The following SORCS1 variants were observed in gnomAD, a reference collection of about 807,000 sequenced individuals.
SORCS1 encodes the protein VPS10 domain-containing receptor SorCS1.
In SORCS1, 60 loss-of-function variants were observed where a neutral mutation model predicts 146.1. That is an observed-to-expected ratio of 0.41 (90% CI 0.33 to 0.51). The LOEUF (loss-of-function observed/expected upper bound fraction) is 0.51, where lower values mean the gene tolerates loss of function less well. Among genes scored for constraint, SORCS1 ranks in the 20% least tolerant of loss-of-function variants. The probability of loss-of-function intolerance (pLI) is 0.21; values close to 1 mark genes in which losing one functional copy is unlikely to be tolerated. For synonymous variants in SORCS1, 637 were observed against 584.0 expected (o/e 1.09, Z -1.31); for missense variants, 1,352 against 1,487.6 (o/e 0.91, Z 1.50).
chr10:106,717,556 A>C (rs762960861), intron 6 of SORCS1, among the ~76,000 whole-genome samples: 1 of 152,208 alleles, frequency 6.6e-6, no homozygotes, highest in Non-Finnish European at 1.5e-5. Flanking sequence ...AATTGACTAA[A>C]TATTGTATTT....
chr10:107,143,872 C>A (rs1273452051), intron 1 of SORCS1, among the ~76,000 whole-genome samples: 1 of 152,004 alleles, frequency 6.6e-6, no homozygotes, highest in Non-Finnish European at 1.5e-5. Context: ...CTCAAGCAAT[C>A]CACTCACCTC....
intron 10 of SORCS1, among the ~76,000 whole-genome samples, chr10:106,681,917 C>A (rs144337761): frequency 1.3e-5 from 2 of 152,132 alleles, no homozygotes; most frequent in African/African-American, 4.8e-5. Context: ...CACTTGAGGT[C>A]AGGAGTTCGA....
In SORCS1 at chr10:107,159,655, G is replaced by A. The variant is rs78539950; in HGVS notation, c.558+4314C>T. Among the ~76,000 whole-genome samples, 1,502 of 152,192 alleles carry A rather than the reference G, an allele frequency of 9.9e-3. 33 individuals carry two copies. Among genetic ancestry groups the A allele is most frequent in the African/African-American group, 0.034 (1,396 of 41,520 alleles). On this transcript the variant is annotated intron_variant, in intron 1 of 25. Coordinates refer to ENST00000263054, the MANE Select transcript of SORCS1 (RefSeq NM_052918.5). ...ATTTAAGTGACTTACTCAAGGCAAC[G>A]TGCTGATTTAGCAGGACAACTAAGA...
At chr10:107,109,482 G>A (rs1034260085) in intron 1 of SORCS1, among the ~76,000 whole-genome samples, 3 of 152,228 alleles carry the variant, frequency 2.0e-5, no homozygotes, top group Non-Finnish European at 4.4e-5. Flanking sequence ...CTGAGCCAAG[G>A]ATGGAGCCAG....
intron 6 of SORCS1, among the ~76,000 whole-genome samples, chr10:106,719,906 C>G (rs1855663826): frequency 6.6e-6 from 1 of 152,224 alleles, no homozygotes; most frequent in South Asian, 2.1e-4. Flanking sequence ...CCATGCTAAG[C>G]ATCCTCATAT....
In SORCS1 at chr10:106,776,403, A is replaced by G. The variant is rs1048516865; in HGVS notation, c.885+131T>C. The stretch of plus-strand genomic sequence containing the variant: ...GACTCTCCTTGCTTTCCCTTGTCCC[A>G]TTAGCACAGAGGTCAGGCTACTGCT... On this transcript the variant is annotated intron_variant, in intron 4 of 25. Coordinates refer to ENST00000263054, the MANE Select transcript of SORCS1 (RefSeq NM_052918.5). 7.9e-6 allele frequency: 9 copies of G among 1,145,636 alleles called. No individual in the cohort carries two copies. In the African/African-American group the frequency reaches 1.1e-4, roughly 14 times the overall value. 71.0% of individuals were successfully genotyped at this position (1,145,636 alleles called of 1,614,324 possible).
upstream of SORCS1, among the ~76,000 whole-genome samples, chr10:107,165,376 ACCT>A (rs1196198760): frequency 6.7e-6 from 1 of 150,174 alleles, no homozygotes; most frequent in Non-Finnish European, 1.5e-5. This position sits in a 1 kb window ranked among gnomAD's most constrained non-coding sequence, Gnocchi z 4.0. Flanking sequence ...TTCTCTCCTA[ACCT>A]CCTAAAGCAT....
intron 7 of SORCS1, among the ~76,000 whole-genome samples, chr10:106,708,495 G>A (rs934859438): frequency 2.6e-5 from 4 of 152,092 alleles, no homozygotes; most frequent in African/African-American, 9.7e-5. Flanking sequence ...ATGGAAGGTG[G>A]TAACTGAGTT....
At chr10:106,983,052 T>A (rs1956300496) in intron 1 of SORCS1, among the ~76,000 whole-genome samples, 1 of 151,152 alleles carries the variant, frequency 6.6e-6, no homozygotes, top group African/African-American at 2.4e-5. Flanking sequence ...GAGTGATTTT[T>A]AAATATTTAT....
At chr10:107,017,108 A>G (rs1957930336) in intron 1 of SORCS1, among the ~76,000 whole-genome samples, 1 of 152,260 alleles carries the variant, frequency 6.6e-6, no homozygotes, top group Admixed American at 6.5e-5. Flanking sequence ...GAGAGTTAAC[A>G]TTAAGCCATG....
intron 8 of SORCS1, among the ~76,000 whole-genome samples, chr10:106,705,986 C>T (rs553716582): frequency 3.9e-5 from 6 of 152,236 alleles, no homozygotes; most frequent in Admixed American, 1.3e-4. Flanking sequence ...TGCCACGTCA[C>T]GGCATCACTG....
chr10:107,027,007 CA>C (rs1191580328), intron 1 of SORCS1, among the ~76,000 whole-genome samples: 2 of 143,550 alleles, frequency 1.4e-5, no homozygotes, highest in African/African-American at 2.6e-5. Flanking sequence ...GCTTGACTAT[CA>C]GGGGTATATG....
intron 1 of SORCS1, among the ~76,000 whole-genome samples, chr10:107,081,624 C>T (rs1963341414): frequency 6.6e-6 from 1 of 152,078 alleles, no homozygotes. Context: ...ATGGCTATCA[C>T]TTAGTCTATT....
chr10:106,995,039 A>G (rs1035589942), intron 1 of SORCS1, among the ~76,000 whole-genome samples: 1 of 152,134 alleles, frequency 6.6e-6, no homozygotes, highest in East Asian at 1.9e-4. Context: ...CCGGCCAGGC[A>G]TGGTGGCTCA....
chr10:106,999,085 A>G (rs1042472046), intron 1 of SORCS1, among the ~76,000 whole-genome samples: 2 of 152,180 alleles, frequency 1.3e-5, no homozygotes, highest in Admixed American at 1.3e-4. Context: ...GACAGGTCCT[A>G]AAATGCCTTC....
chr10:106,892,202 C>T (rs1036864645), intron 2 of SORCS1, among the ~76,000 whole-genome samples: 1 of 152,092 alleles, frequency 6.6e-6, no homozygotes, highest in South Asian at 2.1e-4. Flanking sequence ...AATGGGAACA[C>T]GTGTCAACAA....
intron 18 of SORCS1, among the ~76,000 whole-genome samples, chr10:106,641,516 G>C (rs572475735): frequency 6.6e-6 from 1 of 152,138 alleles, no homozygotes; most frequent in Non-Finnish European, 1.5e-5. Flanking sequence ...AAGGATTAAG[G>C]AAGAGATTTA....
At chr10:106,793,966 G>A (rs534140822) in intron 3 of SORCS1, among the ~76,000 whole-genome samples, 43 of 152,192 alleles carry the variant, frequency 2.8e-4, no homozygotes, top group Non-Finnish European at 1.5e-4. Flanking sequence ...GCCACAGAAT[G>A]TATAACTGCC....
At chr10:107,002,930 G>A (rs1212979929) in intron 1 of SORCS1, among the ~76,000 whole-genome samples, 1 of 152,162 alleles carries the variant, frequency 6.6e-6, no homozygotes, top group East Asian at 1.9e-4. Flanking sequence ...ATCAGCTTTG[G>A]TTTGTATCAC....
Sources: allele counts gnomAD v4.1 joint callset (sites outside exome capture counted in the v4.1 genomes callset), GRCh38; gene constraint gnomAD v4.1.1; non-coding constraint Gnocchi (gnomAD v3.1); transcripts MANE v1.5; gene names NCBI Gene and HGNC (gene_info 2026-07-23, HGNC 2026-07-21).